LYSMD2: variants seen among roughly 807,000 people sequenced by gnomAD.
LYSMD2 encodes the protein LysM domain containing 2, also known as lysM and putative peptidoglycan-binding domain-containing protein 2.
LYSMD2 carries 6 observed loss-of-function variants against 17.7 expected under a neutral mutation model. That is an observed-to-expected ratio of 0.34 (90% CI 0.19 to 0.67). The LOEUF is 0.67. LYSMD2 is among the 30% of genes least tolerant of loss of function. LYSMD2 has a pLI of 0.69. For missense variants in LYSMD2, 237 were observed against 286.7 expected (o/e 0.83, Z 1.25); for synonymous variants, 102 against 129.8 (o/e 0.79, Z 1.45).
At chr15:51,730,751 T>C (rs1190226498) in intron 1 of LYSMD2, among the ~76,000 whole-genome samples, 2 of 152,220 alleles carry the variant, frequency 1.3e-5, no homozygotes, top group Non-Finnish European at 2.9e-5. Flanking sequence ...TGTTTCAGGA[T>C]ACATAATAAC....
chr15:51,741,086 A>T (rs1433844844), upstream of LYSMD2, among the ~76,000 whole-genome samples: 1 of 152,170 alleles, frequency 6.6e-6, no homozygotes, highest in East Asian at 1.9e-4. Flanking sequence ...GGGCCAAGGC[A>T]TTCCTGAGGA....
intron 1 of LYSMD2, among the ~76,000 whole-genome samples, chr15:51,745,290 A>C (rs1321980523): frequency 1.3e-5 from 2 of 152,166 alleles, no homozygotes; most frequent in African/African-American, 4.8e-5. Flanking sequence ...AACCAAAGAC[A>C]TAACAAGAAA....
At chr15:51,728,611 T>C (rs924503421) in intron 1 of LYSMD2, among the ~76,000 whole-genome samples, 2 of 152,172 alleles carry the variant, frequency 1.3e-5, no homozygotes, top group Non-Finnish European at 2.9e-5. Context: ...GGCTCACTCC[T>C]GTAATCCCAG....
rs545225496 is a variant in LYSMD2 at position 51,744,120 on chromosome 15, G to A, written c.-1+7151C>T. Among the ~76,000 whole-genome samples the A allele has an allele frequency of 2.8e-4, 43 of 152,096 alleles. 1 individual carries two copies. In the South Asian group the frequency reaches 6.0e-3, roughly 21 times the overall value. ...AGTTTTATTTCTTCCTTCTCAATCC[G>A]TATATCCCTTTTCCCCCTTATTGTC... On this transcript the variant is annotated intron_variant, in intron 1 of 2. Transcript: ENST00000454181.
intron 1 of LYSMD2, among the ~76,000 whole-genome samples, chr15:51,725,863 T>C (rs1403244586): frequency 6.6e-6 from 1 of 152,180 alleles, no homozygotes; most frequent in Non-Finnish European, 1.5e-5. Flanking sequence ...AGATGGTAGA[T>C]TTGACCAAGT....
intron 1 of LYSMD2, among the ~76,000 whole-genome samples, chr15:51,728,059 C>T (rs1457418152): frequency 6.6e-6 from 1 of 152,150 alleles, no homozygotes; most frequent in Non-Finnish European, 1.5e-5. Flanking sequence ...TGTCGGTTTA[C>T]TTATCAGTAA....
intron 1 of LYSMD2, among the ~76,000 whole-genome samples, chr15:51,748,261 CAAAAAAAA>C (rs10556304): frequency 0.024 from 1,448 of 60,196 alleles, 17 homozygotes; most frequent in Admixed American, 0.054. Context: ...GACTCCGTCT[CAAAAAAAA>C]AAAAAAAAAA....
At chr15:51,737,954 G>T, upstream of LYSMD2, 1 of 188,874 alleles carries the variant, frequency 5.3e-6, no homozygotes, top group Non-Finnish European at 1.1e-5. This position sits in a 1 kb window ranked among gnomAD's most constrained non-coding sequence, Gnocchi z 4.2. Context: ...GCTAAGAGAG[G>T]GCTATCTGCA....
upstream of LYSMD2, among the ~76,000 whole-genome samples, chr15:51,739,350 AT>A (rs910917069): frequency 1.3e-5 from 2 of 152,176 alleles, no homozygotes; most frequent in Admixed American, 6.5e-5. Context: ...AAAAAAAAAA[AT>A]AAATACATAA....
intron 1 of LYSMD2, among the ~76,000 whole-genome samples, chr15:51,735,240 A>T (rs2055601394): frequency 6.6e-6 from 1 of 152,202 alleles, no homozygotes; most frequent in Non-Finnish European, 1.5e-5. Context: ...AAGTATTATC[A>T]CTTTCACTGA....
intron 1 of LYSMD2, among the ~76,000 whole-genome samples, chr15:51,728,309 C>T (rs932967951): frequency 3.3e-5 from 5 of 151,590 alleles, no homozygotes; most frequent in African/African-American, 7.3e-5. Flanking sequence ...ATTCCAGCTA[C>T]TCGGGAGCCT....
chr15:51,744,442 TATTA>T (rs2055657502), intron 1 of LYSMD2, among the ~76,000 whole-genome samples: 1 of 152,184 alleles, frequency 6.6e-6, no homozygotes. Flanking sequence ...TGATAGATTA[TATTA>T]ATTAATTTTT....
At chr15:51,726,784 G>C (rs1201976351) in intron 1 of LYSMD2, among the ~76,000 whole-genome samples, 1 of 152,130 alleles carries the variant, frequency 6.6e-6, no homozygotes, top group African/African-American at 2.4e-5. Context: ...ATTTGAGTTA[G>C]GTTTTCTGTC....
chr15:51,738,856 A>G (rs1235180871), upstream of LYSMD2, among the ~76,000 whole-genome samples: 1 of 152,198 alleles, frequency 6.6e-6, no homozygotes, highest in African/African-American at 2.4e-5. Context: ...CTAAAAACCT[A>G]CATTGGCATT....
chr15:51,726,963 T>G (rs980251642), intron 1 of LYSMD2, among the ~76,000 whole-genome samples: 11 of 152,106 alleles, frequency 7.2e-5, no homozygotes, highest in African/African-American at 2.7e-4. Flanking sequence ...AAGAGTACAC[T>G]ATTAATTCTT....
At chr15:51,733,845 G>A in intron 1 of LYSMD2, among the ~76,000 whole-genome samples, 1 of 152,120 alleles carries the variant, frequency 6.6e-6, no homozygotes, top group East Asian at 1.9e-4. Context: ...GAACCCCAAG[G>A]AAGAACAGTG....
chr15:51,751,382 A>G (rs2055700460), exon 1 of LYSMD2: 2 of 702,260 alleles, frequency 2.8e-6, no homozygotes, highest in Non-Finnish European at 5.2e-6. Context: ...GAGCGTCTCC[A>G]AAGAGCCTGC....
upstream of LYSMD2, chr15:51,737,696 C>A (rs541311688): frequency 3.8e-4 from 411 of 1,079,282 alleles, 1 homozygote; most frequent in African/African-American, 6.4e-3. This position sits in a 1 kb window ranked among gnomAD's most constrained non-coding sequence, Gnocchi z 4.2. Context: ...CCGCCGCCGC[C>A]GCCTCTTCCT....
Position 51,725,094 on chromosome 15 carries a change from G to GT in LYSMD2, c.300dup (p.Leu101ThrfsTer5), listed in dbSNP as rs1315036176. 1 of 1,607,454 alleles carries GT rather than the reference G, an allele frequency of 6.2e-7. No individual in the cohort carries two copies. Among genetic ancestry groups the GT allele is most frequent in the Non-Finnish European group, 8.5e-7 (1 of 1,175,152 alleles). On this transcript the variant is annotated frameshift_variant, in exon 2 of 3. Transcript: ENST00000267838. LOFTEE classifies it high-confidence loss of function. ...AGAAATATACAATCATTGGTAAACA[G>GT]TTTATTGGCCCTTTTAATCTGTTCC...
Sources: allele counts gnomAD v4.1 joint callset (sites outside exome capture counted in the v4.1 genomes callset), GRCh38; gene constraint gnomAD v4.1.1; non-coding constraint Gnocchi (gnomAD v3.1); transcripts MANE v1.5; gene names NCBI Gene and HGNC (gene_info 2026-07-23, HGNC 2026-07-21).